DMD: variants seen among roughly 807,000 people sequenced by gnomAD.
The protein encoded by DMD is dystrophin.
DMD carries 63 observed loss-of-function variants against 330.1 expected under a neutral mutation model. The ratio of observed to expected loss-of-function variants is 0.19; its 90% CI spans 0.16 to 0.24. DMD has a LOEUF of 0.24. Among genes scored for constraint, DMD ranks in the 10% least tolerant of loss-of-function variants. The pLI is 1.00. For missense variants in DMD, 3,344 were observed against 2,684.1 expected, an observed-to-expected ratio of 1.25 and a Z score of -5.43; for synonymous variants, 1,223 against 959.8, an observed-to-expected ratio of 1.27 and a Z score of -5.07.
chrX:32,047,855 T>C (rs1344168551), intron 44 of DMD, among the ~76,000 whole-genome samples: 1 of 110,527 alleles, frequency 9.0e-6, no homozygotes, highest in African/African-American at 3.3e-5. Flanking sequence ...ATTCATACAT[T>C]GACATTCTGG....
chrX:32,595,634 A>G, intron 13 of DMD, 123 bp downstream of exon 13: 1 of 668,533 alleles, frequency 1.5e-6, no homozygotes, highest in East Asian at 3.6e-5. Context: ...GTGTGTGTAT[A>G]TTGTACACAT....
intron 9 of DMD, among the ~76,000 whole-genome samples, chrX:32,667,540 T>C (rs1443571595): frequency 3.6e-5 from 4 of 111,307 alleles, no homozygotes; most frequent in African/African-American, 1.3e-4. Flanking sequence ...TTAAGTGCCA[T>C]TCTTCTAGTT....
intron 64 of DMD, among the ~76,000 whole-genome samples, chrX:31,215,228 A>G (rs1017083737): frequency 9.4e-6 from 1 of 106,507 alleles, no homozygotes; most frequent in Non-Finnish European, 1.9e-5. Flanking sequence ...GGCGTGAGCC[A>G]CCGAGCCCAG....
At chrX:32,970,681 A>C (rs1475512899) in intron 2 of DMD, among the ~76,000 whole-genome samples, 1 of 92,630 alleles carries the variant, frequency 1.1e-5, no homozygotes, top group Admixed American at 1.1e-4. Context: ...AATAATAACG[A>C]AATTCAGTGG....
At chrX:32,486,824 T>C (rs1268373393) in intron 20 of DMD, among the ~76,000 whole-genome samples, 6 of 105,811 alleles carry the variant, frequency 5.7e-5, no homozygotes, top group Non-Finnish European at 9.8e-5. Context: ...CTGGATCCCT[T>C]CCTTACAACT....
chrX:32,001,255 G>T (rs761336191), intron 44 of DMD, among the ~76,000 whole-genome samples: 1 of 110,944 alleles, frequency 9.0e-6, no homozygotes, highest in South Asian at 3.9e-4. Context: ...CGATTTTTTT[G>T]TGCATGTAAA....
At chrX:32,895,021 T>C (rs934439709) in intron 2 of DMD, among the ~76,000 whole-genome samples, 1 of 112,216 alleles carries the variant, frequency 8.9e-6, no homozygotes, top group South Asian at 3.7e-4. Context: ...AGGGCTCTCC[T>C]CCTGATATGT....
chrX:32,867,937 G>A (rs1040158820), intron 2 of DMD, among the ~76,000 whole-genome samples: 1 of 110,950 alleles, frequency 9.0e-6, no homozygotes, highest in Non-Finnish European at 1.9e-5. Flanking sequence ...TATGGAGAGA[G>A]GCCAAGATGA....
chrX:32,735,967 G>T (rs1345548236), intron 7 of DMD, among the ~76,000 whole-genome samples: 3 of 111,597 alleles, frequency 2.7e-5, no homozygotes, highest in Non-Finnish European at 3.8e-5. Flanking sequence ...ACTACCATCA[G>T]AGTGAACAGG....
intron 44 of DMD, among the ~76,000 whole-genome samples, chrX:32,006,232 G>C (rs2095660453): frequency 8.9e-6 from 1 of 111,735 alleles, no homozygotes; most frequent in Non-Finnish European, 1.9e-5. Flanking sequence ...CTTTTTCTTA[G>C]AGATTTAGTT....
At chrX:31,616,633 T>C (rs1230742846) in intron 55 of DMD, among the ~76,000 whole-genome samples, 1 of 112,200 alleles carries the variant, frequency 8.9e-6, no homozygotes, top group Non-Finnish European at 1.9e-5. Flanking sequence ...TATATACAAG[T>C]GAATAAAGCA....
intron 44 of DMD, among the ~76,000 whole-genome samples, chrX:32,018,390 T>C (rs1466698477): frequency 1.8e-5 from 2 of 111,566 alleles, no homozygotes; most frequent in Non-Finnish European, 3.8e-5. Flanking sequence ...ACTCCTTGGC[T>C]GCTCAATATA....
At chrX:31,480,554 T>TTTTG (rs370327101) in intron 57 of DMD, among the ~76,000 whole-genome samples, 5 of 91,343 alleles carry the variant, frequency 5.5e-5, no homozygotes, top group South Asian at 5.6e-4. Context: ...ATCTCCATGT[T>TTTTG]TGTGTGTGTG....
chrX:33,001,693 A>C (rs996434667), intron 2 of DMD, among the ~76,000 whole-genome samples: 2 of 105,697 alleles, frequency 1.9e-5, no homozygotes, highest in African/African-American at 6.7e-5. Flanking sequence ...AGAATATAAA[A>C]TAAAGAAAAA....
At chrX:31,960,990 G>A (rs2095297679) in intron 45 of DMD, among the ~76,000 whole-genome samples, 1 of 111,686 alleles carries the variant, frequency 9.0e-6, no homozygotes, top group Non-Finnish European at 1.9e-5. Context: ...CTATATGTAG[G>A]ATGAGGCTAA....
rs1256852800 is a variant in DMD at position 32,406,106 on chromosome X, T to C, written c.4233+5646A>G. 4.5e-5 allele frequency among the ~76,000 whole-genome samples: 5 copies of C among 111,996 alleles called. No individual in the cohort carries two copies. In the South Asian group the frequency reaches 1.1e-3, roughly 25 times the overall value. ...GTGATTTTTGCACATTGATTTTGCATGCTGAGACTTTGCTGAAGTTGCTTA... is the reference window on the plus strand; with the variant it reads ...GTGATTTTTGCACATTGATTTTGCACGCTGAGACTTTGCTGAAGTTGCTTA... On this transcript the variant is annotated intron_variant, in intron 30 of 78. Transcript: ENST00000357033.
chrX:31,749,572 T>C (rs1293857486), intron 51 of DMD, among the ~76,000 whole-genome samples: 4 of 110,142 alleles, frequency 3.6e-5, no homozygotes, highest in Non-Finnish European at 5.7e-5. Context: ...GTTCCAAGTC[T>C]TTGCTATTGT....
chrX:32,924,399 GCACTTGTCC>G (rs1303828881), intron 2 of DMD, among the ~76,000 whole-genome samples: 1 of 110,658 alleles, frequency 9.0e-6, no homozygotes, highest in Non-Finnish European at 1.9e-5. Flanking sequence ...GGCGTGGTGT[GCACTTGTCC>G]CAGCTACTCA....
intron 37 of DMD, among the ~76,000 whole-genome samples, chrX:32,357,142 G>A (rs192675078): frequency 0.018 from 2,015 of 111,882 alleles, 45 homozygotes; most frequent in African/African-American, 0.059. Context: ...GCCTGCAGCG[G>A]CCTCCCAAAG....
Sources: allele counts gnomAD v4.1 joint callset (sites outside exome capture counted in the v4.1 genomes callset), GRCh38; gene constraint gnomAD v4.1.1; transcripts MANE v1.5; gene names NCBI Gene and HGNC (gene_info 2026-07-23, HGNC 2026-07-21).